Variants in WDR3 observed in about 807,000 individuals in gnomAD.
WDR3 encodes WD repeat-containing protein 3.
WDR3 carries 81 observed loss-of-function variants against 123.7 expected under a neutral mutation model. That is an observed-to-expected ratio of 0.65 (90% CI 0.55 to 0.79). The LOEUF (loss-of-function observed/expected upper bound fraction) is 0.79, where lower values mean the gene tolerates loss of function less well. Among genes scored for constraint, WDR3 ranks in the 30% least tolerant of loss-of-function variants. The pLI is 0.00. For synonymous variants in WDR3, 390 were observed against 388.8 expected (o/e 1.00, Z -0.04); for missense variants, 1,027 against 1,123.2 (o/e 0.91, Z 1.22).
At chr1:117,949,403 C>T (rs1467084592) in intron 13 of WDR3, among the ~76,000 whole-genome samples, 2 of 152,134 alleles carry the variant, frequency 1.3e-5, no homozygotes, top group African/African-American at 2.4e-5. Context: ...AATTTATATC[C>T]TTCTGAGGTG....
rs1363429239 is a variant in WDR3 at position 117,954,058 on chromosome 1, A to G, written c.2320A>G (p.Met774Val). The G allele has an allele frequency of 9.3e-6, 15 of 1,612,614 alleles. No homozygotes were observed. The highest frequency in any genetic ancestry group is 1.2e-5 in the Non-Finnish European group (14 of 1,178,992). ...IELYREETAKMKEHKAICKAA... is the reference protein window; with the variant it reads ...IELYREETAKVKEHKAICKAA... ...GTTGTACCGAGAAGAAACTGCAAAA[A>G]TGAAGGAACACAAAGCCATTTGTAA... is the stretch of plus-strand genomic sequence containing the variant. Residue 774 changes from methionine to valine, a missense_variant, in exon 22 of 27, where the codon ATG becomes GTG. Physicochemically the swap from Met to Val is conservative, Grantham distance 21. Transcript: ENST00000349139.
At chr1:117,952,468 A>G (rs2101222983) in intron 18 of WDR3, 60 bp downstream of exon 18, 2 of 1,599,102 alleles carry the variant, frequency 1.3e-6, no homozygotes, top group East Asian at 4.5e-5. Flanking sequence ...GAATATTTAC[A>G]TTACCCACTA....
chr1:117,959,693 CCT>C lies in WDR3; in HGVS notation c.*247_*248del, dbSNP rs1350831663. On this transcript the variant is annotated 3_prime_UTR_variant, in exon 27 of 27. Coordinates refer to ENST00000349139, the MANE Select transcript of WDR3 (RefSeq NM_006784.3). ...TCTTTCTGTGCTCTCAAAGCTTGAG[CCT>C]TGCAGCTCAAGCTTGTTGTTCCCTT... 4.0e-5 allele frequency: 13 copies of C among 323,890 alleles called. No homozygotes were observed. The highest frequency in any genetic ancestry group is 2.9e-4 in the Admixed American group (6 of 21,016). 20.1% of individuals were successfully genotyped at this position (323,890 alleles called of 1,614,324 possible).
intron 3 of WDR3, 124 bp from the exon 4 acceptor site, chr1:117,936,634 ACTTTCCCCATG>A: frequency 1.7e-6 from 1 of 576,200 alleles, no homozygotes; most frequent in Non-Finnish European, 3.0e-6. Flanking sequence ...ATTCCCCTGT[ACTTTCCCCATG>A]CTTTCCAAAT....
In WDR3 at chr1:117,957,201, C is replaced by T. The variant is rs1427495482; in HGVS notation, c.2582+5C>T. On this transcript the variant is annotated splice_donor_5th_base_variant and intron_variant, in intron 25 of 26. Coordinates refer to ENST00000349139, the MANE Select transcript of WDR3 (RefSeq NM_006784.3). ...GTGCCTCTTCTTCCTCCTTAGGTAACATCCTTTTCCAAAGAATACCATGTC... is the reference window on the plus strand; with the variant it reads ...GTGCCTCTTCTTCCTCCTTAGGTAATATCCTTTTCCAAAGAATACCATGTC... The T allele has an allele frequency of 1.9e-6, 3 of 1,607,998 alleles. No individual in the cohort carries two copies. The highest frequency in any genetic ancestry group is 2.7e-5 in the African/African-American group (2 of 74,578).
rs749121331 is a variant in WDR3, at chr1:117,941,154, A to G, written c.820A>G (p.Ile274Val). 5.0e-6 allele frequency: 8 copies of G among 1,614,084 alleles called. No individual in the cohort carries two copies. Among genetic ancestry groups the G allele is most frequent in the African/African-American group, 2.7e-5 (2 of 74,936 alleles). ...CCTTTCATGCAGAAAAGCTGGTTCC[A>G]TAATGCGGGAAGGAAGAGACAGAGT... ...RILSCRKAGS[I>V]MREGRDRVVN... The change falls in exon 8 of 27, where the codon ATA becomes GTA. Residue 274 changes from isoleucine (I) to valine (V), a missense_variant. Transcript: ENST00000349139.
chr1:117,953,487 G>T lies in WDR3; in HGVS notation c.2214G>T (p.Glu738Asp). Residue 738 changes from glutamate to aspartate, a missense_variant, in exon 21 of 27, where the codon GAG becomes GAT. Coordinates refer to ENST00000349139, the MANE Select transcript of WDR3 (RefSeq NM_006784.3). The stretch of plus-strand genomic sequence containing the variant: ...TTTGTTTCTGGCAGGTTCCAGGAGA[G>T]ACTCAAGGTGACAGTTACTTTACTG... ...AKEDQPAVPG[E>D]TQGDSYFTGK... 6.2e-7 allele frequency: 1 copy of T among 1,612,790 alleles called. No homozygotes were observed. Among genetic ancestry groups the T allele is most frequent in the Non-Finnish European group, 8.5e-7 (1 of 1,179,146 alleles).
intron 3 of WDR3, 89 bp from the exon 4 acceptor site, chr1:117,936,680 T>G: frequency 9.3e-7 from 1 of 1,073,900 alleles, no homozygotes; most frequent in South Asian, 1.6e-5. Context: ...GTGTATTGCC[T>G]TTTTAATAAT....
chr1:117,940,097 A>T (rs1278478390), intron 6 of WDR3, among the ~76,000 whole-genome samples: 1 of 152,202 alleles, frequency 6.6e-6, no homozygotes, highest in Non-Finnish European at 1.5e-5. Context: ...GAGAAAATGT[A>T]TCTACCTGTC....
intron 1 of WDR3, 127 bp from the exon 2 acceptor site, chr1:117,933,161 A>AC: frequency 1.4e-6 from 1 of 701,654 alleles, no homozygotes. Context: ...CCAGGATCCC[A>AC]CCACTGCACT....
intron 11 of WDR3, among the ~76,000 whole-genome samples, chr1:117,945,836 C>A (rs1009195899): frequency 6.6e-6 from 1 of 152,188 alleles, no homozygotes; most frequent in Non-Finnish European, 1.5e-5. Flanking sequence ...TGGAGCCCAG[C>A]AGACACTTTT....
At chr1:117,933,841 G>T in intron 2 of WDR3, 1 of 278,156 alleles carries the variant, frequency 3.6e-6, no homozygotes, top group Non-Finnish European at 7.0e-6. Flanking sequence ...AAAATATTAG[G>T]CATGTAAAAG....
At chr1:117,945,164 C>T (rs1475966027) in intron 11 of WDR3, among the ~76,000 whole-genome samples, 1 of 152,218 alleles carries the variant, frequency 6.6e-6, no homozygotes, top group East Asian at 1.9e-4. Flanking sequence ...TGACTGGTGT[C>T]CCTGCTTTCT....
chr1:117,957,696 T>G (rs1652419244), intron 25 of WDR3, among the ~76,000 whole-genome samples: 1 of 152,232 alleles, frequency 6.6e-6, no homozygotes, highest in South Asian at 2.1e-4. Flanking sequence ...TTTTTGTGAT[T>G]TCTTTGTTGT....
rs759651416 is a variant in WDR3, at chr1:117,936,848, A to T, written c.461A>T (p.Gln154Leu). The T allele has an allele frequency of 6.2e-7, 1 of 1,613,410 alleles. No individual in the cohort carries two copies. The highest frequency in any genetic ancestry group is 1.1e-5 in the South Asian group (1 of 91,022). ...AAGGGGCACAAGGATGCCATCACAC[A>T]AGCATTGTTTCTACGAGAAAAGAAC... ...RLKGHKDAITQALFLREKNLL... is the reference protein window; with the variant it reads ...RLKGHKDAITLALFLREKNLL... The change falls in exon 4 of 27, where the codon CAA becomes CTA. Residue 154 changes from glutamine (Q) to leucine (L), a missense_variant. Transcript: ENST00000349139.
In WDR3 at chr1:117,942,563, T is replaced by C. The variant is rs745395315; in HGVS notation, c.1097+19T>C. 1.7e-5 allele frequency: 27 copies of C among 1,597,430 alleles called. No homozygotes were observed. Among genetic ancestry groups the C allele is most frequent in the Non-Finnish European group, 2.3e-5 (27 of 1,165,886 alleles). On this transcript the variant is annotated intron_variant, in intron 10 of 26. Transcript: ENST00000349139. ...AAATCAAGTGAGTAAAAATAAATTA[T>C]CTGAAGTTATAGAAATAGTAAGCTA...
chr1:117,945,993 A>G (rs116080107), intron 11 of WDR3, 93 bp from the exon 12 acceptor site: 53 of 746,550 alleles, frequency 7.1e-5, no homozygotes, highest in Non-Finnish European at 9.7e-5. Context: ...TTTTATGTTG[A>G]TCTGTCTAAG....
intron 24 of WDR3, among the ~76,000 whole-genome samples, chr1:117,955,565 T>A (rs1343352736): frequency 2.0e-5 from 3 of 152,132 alleles, no homozygotes; most frequent in African/African-American, 7.2e-5. Flanking sequence ...AGAGATGCTT[T>A]TAAGGACAAA....
chr1:117,965,004 A>G lies in WDR3; in HGVS notation c.*5557A>G, dbSNP rs1466868563. 6.6e-6 allele frequency: 1 copy of G among 152,220 alleles called. No individual in the cohort carries two copies. Among genetic ancestry groups the G allele is most frequent in the Non-Finnish European group, 1.5e-5 (1 of 68,032 alleles). 9.4% of individuals were successfully genotyped at this position (152,220 alleles called of 1,614,324 possible). A position where few individuals can be genotyped will look rare whatever the true frequency, so the allele number is the denominator to read the frequency against. Reference sequence around the variant, plus strand: ...GCTCCACTCTCTTCAGCCTACAAACATGTAGGTCTACATTAAACTGAAAAT... The same window carrying G: ...GCTCCACTCTCTTCAGCCTACAAACGTGTAGGTCTACATTAAACTGAAAAT... On this transcript the variant is annotated 3_prime_UTR_variant, in exon 27 of 27. Transcript: ENST00000349139.
Sources: allele counts gnomAD v4.1 joint callset (sites outside exome capture counted in the v4.1 genomes callset), GRCh38; gene constraint gnomAD v4.1.1; transcripts MANE v1.5; gene names NCBI Gene and HGNC (gene_info 2026-07-23, HGNC 2026-07-21).